Variants in KCNQ5 observed in about 807,000 individuals in gnomAD.
KCNQ5 encodes the protein potassium voltage-gated channel subfamily KQT member 5.
KCNQ5 carries 30 observed loss-of-function variants against 98.2 expected under a neutral mutation model. The ratio of observed to expected loss-of-function variants is 0.31; its 90% CI spans 0.23 to 0.41. The LOEUF (loss-of-function observed/expected upper bound fraction) is 0.41. Ranked by LOEUF, KCNQ5 falls within the 10% of genes least tolerant of loss-of-function variation. The pLI is 1.00. For synonymous variants in KCNQ5, 458 were observed against 449.4 expected (o/e 1.02, Z -0.24); for missense variants, 835 against 1,182.5 (o/e 0.71, Z 4.31).
chr6:72,622,384 G>T lies in KCNQ5; in HGVS notation c.195G>T (p.Ala65=). ...GCCTGCTACTGCTGGGCACCCGCGC[G>T]GCCACGCTCGGTGGCGGCGGCGGTG... ...GDGLLLLGTR[A]ATLGGGGGGL... The change falls in exon 1 of 14, where the codon GCG becomes GCT. Residue 65 remains alanine, a synonymous_variant. Coordinates refer to ENST00000370398, the MANE Select transcript of KCNQ5 (RefSeq NM_019842.4). This position sits in a 1 kb window ranked among gnomAD's most constrained non-coding sequence, Gnocchi z 6.0. 1 of 1,469,064 alleles carries T rather than the reference G, an allele frequency of 6.8e-7. No homozygotes were observed. The highest frequency in any genetic ancestry group is 9.0e-7 in the Non-Finnish European group (1 of 1,110,630). The allele number at this position is 1,469,064 out of a possible 1,614,324, so 91.0% of individuals were successfully genotyped here. A position where few individuals can be genotyped will look rare whatever the true frequency, so the allele number is the denominator to read the frequency against.
intron 1 of KCNQ5, among the ~76,000 whole-genome samples, chr6:72,713,802 A>C (rs1308627205): frequency 3.3e-5 from 5 of 152,152 alleles, no homozygotes; most frequent in Admixed American, 3.3e-4. Context: ...CAGTAGAGTA[A>C]AACTTAACCA....
chr6:73,013,813 T>C (rs1290655105), intron 2 of KCNQ5, among the ~76,000 whole-genome samples: 1 of 152,132 alleles, frequency 6.6e-6, no homozygotes, highest in East Asian at 1.9e-4. Context: ...AAGGCTTCTT[T>C]TTGTTCCATA....
intron 1 of KCNQ5, among the ~76,000 whole-genome samples, chr6:72,634,850 G>A (rs1302929725): frequency 6.6e-6 from 1 of 152,184 alleles, no homozygotes; most frequent in African/African-American, 2.4e-5. Context: ...TTACAGGCGT[G>A]AGCCACTGCG....
At chr6:72,641,932 C>T (rs1752305661) in intron 1 of KCNQ5, among the ~76,000 whole-genome samples, 1 of 151,654 alleles carries the variant, frequency 6.6e-6, no homozygotes, top group African/African-American at 2.4e-5. Context: ...ATGAACAATT[C>T]TCTACGCCTC....
At chr6:72,685,180 T>C (rs1767888615) in intron 1 of KCNQ5, among the ~76,000 whole-genome samples, 1 of 152,214 alleles carries the variant, frequency 6.6e-6, no homozygotes, top group Non-Finnish European at 1.5e-5. Flanking sequence ...ATTTTATCTA[T>C]TTTAGTAACC....
At chr6:72,748,137 T>C (rs1184399121) in intron 1 of KCNQ5, among the ~76,000 whole-genome samples, 2 of 151,732 alleles carry the variant, frequency 1.3e-5, no homozygotes, top group African/African-American at 4.8e-5. Context: ...ATTGGGAGAG[T>C]AGTTGCTGTC....
chr6:73,042,299 G>A (rs562932000), intron 3 of KCNQ5: 10 of 514,772 alleles, frequency 1.9e-5, no homozygotes, highest in East Asian at 1.4e-4. Flanking sequence ...AAAGAGAGAC[G>A]GAGTTAGTTG....
At position 73,195,788 on chromosome 6, in the gene KCNQ5, T is replaced by C. The variant is rs1765771450; in HGVS notation, c.*374T>C. 4.7e-6 allele frequency: 1 copy of C among 212,370 alleles called. No individual in the cohort carries two copies. The highest frequency in any genetic ancestry group is 2.3e-5 in the African/African-American group (1 of 44,130). The allele number at this position is 212,370 out of a possible 1,614,324, so 13.2% of individuals were successfully genotyped here. On this transcript the variant is annotated 3_prime_UTR_variant, in exon 14 of 14. Transcript: ENST00000370398. ...CAGGCATTTCTGCTTTGTGACTAAA[T>C]ACAAACTACATTTTCAAGATTAGGC... is the stretch of plus-strand genomic sequence containing the variant.
At chr6:72,648,122 T>C (rs942706772) in intron 1 of KCNQ5, among the ~76,000 whole-genome samples, 1 of 152,088 alleles carries the variant, frequency 6.6e-6, no homozygotes, top group African/African-American at 2.4e-5. Context: ...TTTATAGCAG[T>C]CACATTATGT....
At chr6:72,701,156 T>A (rs1561930368) in intron 1 of KCNQ5, among the ~76,000 whole-genome samples, 1 of 152,222 alleles carries the variant, frequency 6.6e-6, no homozygotes, top group Admixed American at 6.5e-5. Flanking sequence ...GTGTACTTTG[T>A]GTAGAAGGCT....
chr6:72,794,203 T>C (rs898605925), intron 1 of KCNQ5, among the ~76,000 whole-genome samples: 5 of 152,226 alleles, frequency 3.3e-5, no homozygotes, highest in African/African-American at 1.2e-4. Flanking sequence ...AAGTGATAAA[T>C]GAACATTGAA....
intron 3 of KCNQ5, among the ~76,000 whole-genome samples, chr6:73,050,315 G>GAAGGAAGGAAGT: frequency 8.6e-6 from 1 of 115,862 alleles, no homozygotes; most frequent in Non-Finnish European, 1.9e-5. Context: ...AGGAAGGGAG[G>GAAGGAAGGAAGT]GAAGAAGGAA....
intron 10 of KCNQ5, among the ~76,000 whole-genome samples, chr6:73,138,243 A>G (rs371733694): frequency 4.1e-4 from 63 of 152,330 alleles, no homozygotes; most frequent in African/African-American, 1.3e-3. Context: ...GGTGTTGCCA[A>G]CAGACAAGCA....
chr6:72,797,836 A>C (rs1197621407), intron 1 of KCNQ5, among the ~76,000 whole-genome samples: 2 of 152,182 alleles, frequency 1.3e-5, no homozygotes, highest in Non-Finnish European at 2.9e-5. Context: ...ATTATTTATA[A>C]TTATTAAAAA....
intron 10 of KCNQ5, among the ~76,000 whole-genome samples, chr6:73,154,640 T>C (rs1438558447): frequency 6.6e-5 from 10 of 152,180 alleles, no homozygotes; most frequent in Admixed American, 6.5e-4. Flanking sequence ...TAAAGTGGGC[T>C]TACAGATTGC....
intron 1 of KCNQ5, among the ~76,000 whole-genome samples, chr6:72,975,997 C>A (rs1051137684): frequency 6.6e-6 from 1 of 152,152 alleles, no homozygotes; most frequent in Non-Finnish European, 1.5e-5. Flanking sequence ...TTGAAAGTAA[C>A]CAAATTCATA....
At chr6:72,901,087 A>G (rs917193710) in intron 1 of KCNQ5, among the ~76,000 whole-genome samples, 1 of 150,548 alleles carries the variant, frequency 6.6e-6, no homozygotes, top group African/African-American at 2.5e-5. Flanking sequence ...TTAACTCATC[A>G]TTTACCTTAG....
chr6:72,848,027 A>AAG (rs397815581), intron 1 of KCNQ5, among the ~76,000 whole-genome samples: 2 of 151,410 alleles, frequency 1.3e-5, no homozygotes, highest in Non-Finnish European at 2.9e-5. Context: ...AAAAAAAAAA[A>AAG]CTCCCAATGA....
intron 1 of KCNQ5, among the ~76,000 whole-genome samples, chr6:72,788,911 G>C (rs1773890334): frequency 6.6e-6 from 1 of 152,054 alleles, no homozygotes; most frequent in Non-Finnish European, 1.5e-5. Flanking sequence ...CTTATTTGTT[G>C]GTTTCTCAAT....
Sources: allele counts gnomAD v4.1 joint callset (sites outside exome capture counted in the v4.1 genomes callset), GRCh38; gene constraint gnomAD v4.1.1; non-coding constraint Gnocchi (gnomAD v3.1); transcripts MANE v1.5; gene names NCBI Gene and HGNC (gene_info 2026-07-23, HGNC 2026-07-21).